The following LTN1 variants were observed in gnomAD, a reference collection of about 807,000 sequenced individuals.
LTN1 encodes the protein listerin E3 ubiquitin protein ligase 1, also known as E3 ubiquitin-protein ligase listerin.
In LTN1, 88 loss-of-function variants were observed where a neutral mutation model predicts 201.2. The observed-to-expected ratio is 0.44, with a 90% CI of 0.37 to 0.52. The LOEUF is 0.52. Among genes scored for constraint, LTN1 ranks in the 20% least tolerant of loss-of-function variants. The pLI is 0.00. For missense variants in LTN1, 1,752 were observed against 2,038.7 expected (o/e 0.86, Z 2.71); for synonymous variants, 645 against 713.5 (o/e 0.90, Z 1.53).
At chr21:28,975,270 T>C (rs889539549) in intron 6 of LTN1, among the ~76,000 whole-genome samples, 7 of 151,440 alleles carry the variant, frequency 4.6e-5, no homozygotes, top group Admixed American at 4.6e-4. Context: ...AAACAGAAAA[T>C]ATAAAAAACC....
chr21:28,984,282 T>A (rs929580608), intron 4 of LTN1, among the ~76,000 whole-genome samples: 3 of 151,860 alleles, frequency 2.0e-5, no homozygotes, highest in African/African-American at 7.3e-5. Flanking sequence ...CTACAGTACA[T>A]CCATGTATAG....
chr21:28,983,899 T>C (rs1418363993), intron 4 of LTN1, among the ~76,000 whole-genome samples: 1 of 152,204 alleles, frequency 6.6e-6, no homozygotes, highest in Non-Finnish European at 1.5e-5. Context: ...TTCTAGTCCA[T>C]ATATTGGGAA....
At chr21:28,988,495 A>G (rs948377067) in intron 1 of LTN1, among the ~76,000 whole-genome samples, 5 of 151,802 alleles carry the variant, frequency 3.3e-5, no homozygotes, top group African/African-American at 1.2e-4. Context: ...CCTAATACCT[A>G]GCAAAAGTGT....
intron 18 of LTN1, among the ~76,000 whole-genome samples, chr21:28,950,422 C>T (rs554528459): frequency 6.6e-6 from 1 of 152,260 alleles, no homozygotes; most frequent in Non-Finnish European, 1.5e-5. Flanking sequence ...TTAGCTAATT[C>T]CGTATTACTT....
rs1333613456 is a variant in LTN1, at chr21:28,958,371, C to T, written c.2747+15G>A. 2.5e-6 allele frequency: 4 copies of T among 1,591,634 alleles called. No homozygotes were observed. Among genetic ancestry groups the T allele is most frequent in the African/African-American group, 1.4e-5 (1 of 72,842 alleles). ...GTATAAAAGAGACACTGAAACCAAGCTCAAAAAAGGTTACCTGTTGATATC... is the reference window on the plus strand; with the variant it reads ...GTATAAAAGAGACACTGAAACCAAGTTCAAAAAAGGTTACCTGTTGATATC... On this transcript the variant is annotated intron_variant, in intron 14 of 29. Transcript: ENST00000361371.
At chr21:28,942,422 C>G (rs926591716) in intron 24 of LTN1, among the ~76,000 whole-genome samples, 1 of 152,064 alleles carries the variant, frequency 6.6e-6, no homozygotes, top group East Asian at 1.9e-4. Context: ...CCAAATCCCC[C>G]CAAAAAAGTC....
In LTN1 at chr21:28,971,280, T is replaced by C; in HGVS notation, c.975A>G (p.Thr325=). 1 of 1,613,304 alleles carries C rather than the reference T, an allele frequency of 6.2e-7. No homozygotes were observed. Among genetic ancestry groups the C allele is most frequent in the South Asian group, 1.1e-5 (1 of 90,982 alleles). ...TGCCTCTCTTACATACCTCAATAGT[T>C]GTAAGTGTATAGAGTACAGCTTCCC... is the stretch of plus-strand genomic sequence containing the variant. ...ALWEAVLYTL[T]TIEDCWLHVN... Residue 325 remains threonine, a synonymous_variant, in exon 7 of 30, where the codon ACA becomes ACG. Coordinates refer to ENST00000361371, the MANE Select transcript of LTN1 (RefSeq NM_015565.3).
intron 18 of LTN1, among the ~76,000 whole-genome samples, chr21:28,949,183 A>T (rs2084364273): frequency 6.6e-6 from 1 of 152,120 alleles, no homozygotes; most frequent in South Asian, 2.1e-4. Flanking sequence ...TGCCTCTTTA[A>T]GTCTTTGATA....
chr21:28,958,915 GAGAA>G (rs1010266346), intron 13 of LTN1, among the ~76,000 whole-genome samples: 6 of 151,674 alleles, frequency 4.0e-5, no homozygotes, highest in African/African-American at 1.5e-4. Context: ...AAAAGAGAGA[GAGAA>G]AGAGGAAGGA....
At position 28,931,240 on chromosome 21, in the gene LTN1, C is replaced by T; in HGVS notation, c.5153G>A (p.Cys1718Tyr). ...GTTGAAACCGTGAATGACTGAGAAA[C>T]AGATCATGCAATCTTCAACACCCTC... Reference protein sequence around the residue: ...RFEGVEDCMICFSVIHGFNYS... With the variant: ...RFEGVEDCMIYFSVIHGFNYS... The change falls in exon 29 of 30, where the codon TGT (cysteine) becomes TAT (tyrosine). Residue 1718 changes from cysteine to tyrosine, a missense_variant. Around this residue, in one of 3 missense-constraint regions of LTN1, gnomAD observed 261 missense variants for 350.1 expected, o/e 0.75. Transcript: ENST00000361371. 1.9e-6 allele frequency: 3 copies of T among 1,613,292 alleles called. No homozygotes were observed. Among genetic ancestry groups the T allele is most frequent in the Non-Finnish European group, 2.5e-6 (3 of 1,179,342 alleles).
Position 28,986,076 on chromosome 21 carries a change from G to A in LTN1, c.345+63C>T, listed in dbSNP as rs894721397. 8 of 833,040 alleles carry A rather than the reference G, an allele frequency of 9.6e-6. No homozygotes were observed. The highest frequency in any genetic ancestry group is 1.6e-5 in the Non-Finnish European group (8 of 489,166). 51.6% of individuals were successfully genotyped at this position (833,040 alleles called of 1,614,324 possible). A position where few individuals can be genotyped will look rare whatever the true frequency, so the allele number is the denominator to read the frequency against. On this transcript the variant is annotated intron_variant, in intron 3 of 29. Transcript: ENST00000361371. The surrounding 1 kb of genome is among the most constrained non-coding windows in gnomAD (Gnocchi z 4.1). ...AAAAATCAACATTATAAATTTGAGA[G>A]TCTCCATGACTCCAACCAAAAAATA...
intron 25 of LTN1, among the ~76,000 whole-genome samples, chr21:28,939,751 C>T (rs2146262380): frequency 6.6e-6 from 1 of 152,324 alleles, no homozygotes; most frequent in South Asian, 2.1e-4. Context: ...CTCTTATACA[C>T]AAATGCCTCA....
chr21:28,942,107 A>T (rs549881539), intron 24 of LTN1, among the ~76,000 whole-genome samples: 13 of 152,302 alleles, frequency 8.5e-5, no homozygotes, highest in Admixed American at 2.0e-4. Context: ...CACTTCTGTG[A>T]TCGTTCTTCC....
At chr21:28,957,187 A>T in intron 15 of LTN1, 145 bp downstream of exon 15, 3 of 807,184 alleles carry the variant, frequency 3.7e-6, no homozygotes, top group Non-Finnish European at 5.6e-6. Flanking sequence ...AAAAGCAAAC[A>T]TCCAGTATAT....
At chr21:28,948,239 T>C (rs937861087) in intron 18 of LTN1, among the ~76,000 whole-genome samples, 1 of 148,986 alleles carries the variant, frequency 6.7e-6, no homozygotes, top group African/African-American at 2.5e-5. Context: ...CTTAAATAAA[T>C]AGTACCAGTT....
At chr21:28,989,872 C>T (rs564456794) in intron 1 of LTN1, among the ~76,000 whole-genome samples, 1 of 151,718 alleles carries the variant, frequency 6.6e-6, no homozygotes, top group Admixed American at 6.6e-5. Context: ...AAAAATTAGC[C>T]GGGTGTGATG....
chr21:28,958,953 A>G (rs1295427718), intron 13 of LTN1, among the ~76,000 whole-genome samples: 2 of 152,100 alleles, frequency 1.3e-5, no homozygotes, highest in Admixed American at 6.5e-5. Context: ...AAAAGAAAGG[A>G]AAGAATGAAG....
rs373701091 is a variant in LTN1 at position 28,992,737 on chromosome 21, G to C, written c.42+27C>G. On this transcript the variant is annotated intron_variant, in intron 1 of 29. Transcript: ENST00000361371. ...CCAGCCGCCTCGAAGCGAGGCTCCCGGGTCGGCCGAGCCAGCCCCCGCTCA... is the reference window on the plus strand; with the variant it reads ...CCAGCCGCCTCGAAGCGAGGCTCCCCGGTCGGCCGAGCCAGCCCCCGCTCA... 1.2e-4 allele frequency: 200 copies of C among 1,613,236 alleles called. No individual in the cohort carries two copies. In the African/African-American group the frequency reaches 2.5e-3, roughly 20 times the overall value.
At chr21:28,983,454 A>C (rs757351484) in intron 4 of LTN1, among the ~76,000 whole-genome samples, 2 of 152,236 alleles carry the variant, frequency 1.3e-5, no homozygotes, top group Non-Finnish European at 2.9e-5. Flanking sequence ...CCATTTGAGC[A>C]TATGATTAAA....
Sources: gnomAD v4.1 joint callset for allele counts (sites outside exome capture counted in the v4.1 genomes callset) on GRCh38, gnomAD v4.1.1 for gene constraint, gnomAD v4.1.1 regional missense constraint, Gnocchi (gnomAD v3.1) non-coding constraint, MANE v1.5 for transcripts, NCBI Gene and HGNC (gene_info 2026-07-23, HGNC 2026-07-21) for gene names.